The following TNIP3 variants were observed in gnomAD, a reference collection of about 807,000 sequenced individuals.
TNIP3 encodes TNFAIP3 interacting protein 3, also known as TNFAIP3-interacting protein 3.
TNIP3 carries 34 observed loss-of-function variants against 54.1 expected under a neutral mutation model. That is an observed-to-expected ratio of 0.63 (90% confidence interval 0.48 to 0.84). TNIP3 has a LOEUF of 0.84. Ranked by LOEUF, TNIP3 falls within the 40% of genes least tolerant of loss-of-function variation. The pLI, the probability that TNIP3 is intolerant of heterozygous loss-of-function variation, is 0.00. For missense variants in TNIP3, 366 were observed against 387.6 expected (o/e 0.94, Z 0.47); for synonymous variants, 134 against 136.8 (o/e 0.98, Z 0.14).
At chr4:121,140,790 G>T (rs1436166520) in intron 9 of TNIP3, among the ~76,000 whole-genome samples, 2 of 152,160 alleles carry the variant, frequency 1.3e-5, no homozygotes, top group East Asian at 3.8e-4. Flanking sequence ...GGGGGAGGGA[G>T]AGCAGACAGA....
At chr4:121,145,726 A>G (rs1454289546) in intron 7 of TNIP3, among the ~76,000 whole-genome samples, 1 of 151,724 alleles carries the variant, frequency 6.6e-6, no homozygotes, top group African/African-American at 2.4e-5. Context: ...AAATTGCTTT[A>G]AAAAACAAAT....
At chr4:121,135,188 T>C (rs1728708839) in intron 10 of TNIP3, among the ~76,000 whole-genome samples, 2 of 152,222 alleles carry the variant, frequency 1.3e-5, no homozygotes, top group Admixed American at 1.3e-4. Context: ...GTTTTCCATG[T>C]ATGTTTATCA....
At chr4:121,216,281 T>A in intron 2 of TNIP3, 1 of 693,764 alleles carries the variant, frequency 1.4e-6, no homozygotes, top group Non-Finnish European at 2.2e-6. Context: ...CATCTTTTCC[T>A]TTTCTATTCT....
rs1349678191 is a variant in TNIP3 at position 121,158,732 on chromosome 4, T to C, written c.168A>G (p.Gln56=). ...TCATACTTCTAAATTGCTGATCCCA[T>C]TGCTGGTTAACTTCCAGGAGCTGAA... is the stretch of plus-strand genomic sequence containing the variant. ...QRKELLEVNQ[Q]WDQQFRSMKE... is the part of the protein sequence containing the mutation. The change falls in exon 3 of 11, where the codon CAA becomes CAG. Residue 56 remains glutamine, a synonymous_variant. Coordinates refer to ENST00000057513, the MANE Select transcript of TNIP3 (RefSeq NM_024873.6). The C allele has an allele frequency of 1.9e-6, 3 of 1,612,864 alleles. No individual in the cohort carries two copies. Among genetic ancestry groups the C allele is most frequent in the Non-Finnish European group, 1.7e-6 (2 of 1,179,638 alleles).
upstream of TNIP3, among the ~76,000 whole-genome samples, chr4:121,219,303 A>G (rs1306458989): frequency 2.0e-5 from 3 of 152,318 alleles, no homozygotes; most frequent in Middle Eastern, 3.4e-3. Context: ...CTTTGTTTCC[A>G]TCTTTTGATT....
At chr4:121,171,976 A>T (rs1328919880) in intron 3 of TNIP3, among the ~76,000 whole-genome samples, 2 of 151,762 alleles carry the variant, frequency 1.3e-5, no homozygotes, top group Non-Finnish European at 2.9e-5. Flanking sequence ...CAAATGATCC[A>T]CCTGCCTCAG....
At chr4:121,174,079 C>CA (rs1167797072) in intron 3 of TNIP3, among the ~76,000 whole-genome samples, 1 of 152,122 alleles carries the variant, frequency 6.6e-6, no homozygotes, top group African/African-American at 2.4e-5. Context: ...TAGAGGGGAC[C>CA]ACTCCATTGA....
At position 121,164,091 on chromosome 4, in the gene TNIP3, A is replaced by G; in HGVS notation, c.35T>C (p.Ile12Thr). The G allele has an allele frequency of 6.2e-7, 1 of 1,613,792 alleles. No homozygotes were observed. ...ATGCTCCGTAGAACTTTCTGCGGCA[A>G]TCATTCTAGATGTGCCCTGTACAAA... is the stretch of plus-strand genomic sequence containing the variant. ...AHFVQGTSRMIAAESSTEHKE... is the reference protein window; with the variant it reads ...AHFVQGTSRMTAAESSTEHKE... The change falls in exon 1 of 11, where the codon ATT becomes ACT. Residue 12 changes from isoleucine to threonine, a missense_variant. By Grantham distance (89) the Ile-to-Thr change is moderately conservative (BLOSUM62 -1). Coordinates refer to ENST00000057513, the MANE Select transcript of TNIP3 (RefSeq NM_024873.6).
upstream of TNIP3, among the ~76,000 whole-genome samples, chr4:121,218,831 G>A (rs972372591): frequency 1.3e-5 from 2 of 151,848 alleles, no homozygotes; most frequent in African/African-American, 4.8e-5. Context: ...TGAGTAGCTG[G>A]GACTACAGGT....
chr4:121,202,679 T>C lies in TNIP3; in HGVS notation c.68+13736A>G, dbSNP rs1212767863. ...GGAGAAAATCTTCACAATCTACACA[T>C]GAAACACAAGACTAATATCCAGAAT... On this transcript the variant is annotated intron_variant, in intron 2 of 12. Coordinates refer to the TNIP3 transcript ENST00000507879. Among the ~76,000 whole-genome samples the C allele has an allele frequency of 2.0e-5, 3 of 152,012 alleles. No individual in the cohort carries two copies. In the East Asian group the frequency reaches 5.8e-4, roughly 29 times the overall value.
At chr4:121,227,254 G>T in intron 1 of TNIP3, 1 of 692,494 alleles carries the variant, frequency 1.4e-6, no homozygotes, top group Non-Finnish European at 2.4e-6. Context: ...TAATATTACT[G>T]AGTTCCTGAT....
At chr4:121,208,162 C>G (rs570363941) in intron 2 of TNIP3, among the ~76,000 whole-genome samples, 14 of 152,262 alleles carry the variant, frequency 9.2e-5, no homozygotes, top group African/African-American at 3.4e-4. Context: ...ATATACAACC[C>G]TTTCCCAAAA....
rs114416478 is a variant in TNIP3, at chr4:121,135,191, G to C, written c.947-2529C>G. On this transcript the variant is annotated intron_variant, in intron 10 of 10. Transcript: ENST00000057513. ...AATTGTACTTTGGTTTTCCATGTAT[G>C]TTTATCAAGGTAGGAGGATAGATTA... Among the ~76,000 whole-genome samples, 161 of 152,300 alleles carry C rather than the reference G, an allele frequency of 1.1e-3. 1 individual carries two copies. The highest frequency in any genetic ancestry group is 3.5e-3 in the African/African-American group (146 of 41,548).
Position 121,172,612 on chromosome 4 carries a change from C to T in TNIP3, c.190-8466G>A, listed in dbSNP as rs180777252. Among the ~76,000 whole-genome samples, 266 of 152,290 alleles carry T rather than the reference C, an allele frequency of 1.7e-3. 1 individual carries two copies. Among genetic ancestry groups the T allele is most frequent in the African/African-American group, 5.7e-3 (235 of 41,562 alleles). On this transcript the variant is annotated intron_variant, in intron 3 of 12. Transcript: ENST00000507879. ...TTGTATGTTTGTCTCATACAATATT[C>T]TGCCGTTTATCTGAAATTTAAACTT...
At position 121,163,922 on chromosome 4, in the gene TNIP3, G is replaced by C. The variant is rs112145947; in HGVS notation, c.66+138C>G. On this transcript the variant is annotated intron_variant, in intron 1 of 10. Transcript: ENST00000057513. ...TTTTTTTCTATGTTACATAATTTTGGTTAAAAATATAGAGCAAATCTTAGC... is the reference window on the plus strand; with the variant it reads ...TTTTTTTCTATGTTACATAATTTTGCTTAAAAATATAGAGCAAATCTTAGC... The C allele has an allele frequency of 1.5e-3, 1,470 of 972,288 alleles. 17 individuals carry two copies. In the African/African-American group the frequency reaches 0.022, roughly 15 times the overall value. 60.2% of individuals were successfully genotyped at this position (972,288 alleles called of 1,614,324 possible). A position where few individuals can be genotyped will look rare whatever the true frequency, so the allele number is the denominator to read the frequency against.
At chr4:121,200,784 T>G (rs1316822010) in intron 2 of TNIP3, among the ~76,000 whole-genome samples, 1 of 152,214 alleles carries the variant, frequency 6.6e-6, no homozygotes, top group Non-Finnish European at 1.5e-5. Flanking sequence ...TGTTCCTTTT[T>G]ATCCAGCAGA....
intron 5 of TNIP3, among the ~76,000 whole-genome samples, chr4:121,152,230 CA>C (rs1312065306): frequency 6.6e-6 from 1 of 152,066 alleles, no homozygotes; most frequent in Non-Finnish European, 1.5e-5. Context: ...AATCAGCTAC[CA>C]AAATCAACAT....
upstream of TNIP3, among the ~76,000 whole-genome samples, chr4:121,218,180 A>G (rs1332540260): frequency 1.3e-5 from 2 of 152,236 alleles, no homozygotes; most frequent in African/African-American, 4.8e-5. Flanking sequence ...ATACAACATC[A>G]TAACACTATA....
At chr4:121,154,315 T>C in intron 5 of TNIP3, 1 of 474,406 alleles carries the variant, frequency 2.1e-6, no homozygotes, top group Non-Finnish European at 3.7e-6. Flanking sequence ...TAATTCCTCC[T>C]CATTTCTCTT....
Sources: gnomAD v4.1 joint callset for allele counts (sites outside exome capture counted in the v4.1 genomes callset) on GRCh38, gnomAD v4.1.1 for gene constraint, MANE v1.5 for transcripts, NCBI Gene and HGNC (gene_info 2026-07-23, HGNC 2026-07-21) for gene names.